Variants in ERLIN1 observed in about 807,000 individuals in gnomAD.
The protein encoded by ERLIN1 is erlin-1.
A neutral mutation model predicts 46.9 loss-of-function variants in ERLIN1; 24 were observed. The ratio of observed to expected loss-of-function variants is 0.51; its 90% CI spans 0.37 to 0.72. ERLIN1 has a LOEUF of 0.72. ERLIN1 is among the 30% of genes least tolerant of loss of function. The pLI, the probability that ERLIN1 is intolerant of heterozygous loss-of-function variation, is 0.00. For synonymous variants in ERLIN1, 158 were observed against 143.2 expected, an observed-to-expected ratio of 1.10 and a Z score of -0.74; for missense variants, 293 against 417.9, an observed-to-expected ratio of 0.70 and a Z score of 2.61.
At chr10:100,169,869 T>G (rs1479684609) in intron 6 of ERLIN1, among the ~76,000 whole-genome samples, 2 of 151,936 alleles carry the variant, frequency 1.3e-5, no homozygotes, top group East Asian at 3.9e-4. Context: ...AATAAAAAAA[T>G]TAGCCAGATG....
At chr10:100,176,403 C>T (rs1450065876) in intron 4 of ERLIN1, among the ~76,000 whole-genome samples, 1 of 152,136 alleles carries the variant, frequency 6.6e-6, no homozygotes, top group Non-Finnish European at 1.5e-5. Flanking sequence ...CAGATTTACG[C>T]TTTGGCCAGC....
intron 1 of ERLIN1, among the ~76,000 whole-genome samples, chr10:100,185,281 T>C (rs1844897459): frequency 6.6e-6 from 1 of 152,186 alleles, no homozygotes; most frequent in Non-Finnish European, 1.5e-5. Context: ...TTGAGTTTGC[T>C]GTGTATAGGA....
intron 4 of ERLIN1, among the ~76,000 whole-genome samples, chr10:100,176,674 AAGAAAC>A (rs1436073165): frequency 6.6e-6 from 1 of 152,226 alleles, no homozygotes; most frequent in African/African-American, 2.4e-5. Flanking sequence ...TTAGGAAACT[AAGAAAC>A]AGAGAATTTT....
chr10:100,157,641 ATG>A (rs1843146778), intron 8 of ERLIN1, among the ~76,000 whole-genome samples: 1 of 152,186 alleles, frequency 6.6e-6, no homozygotes, highest in Non-Finnish European at 1.5e-5. Flanking sequence ...TTCTCCACCA[ATG>A]TAAAATCAAT....
At chr10:100,181,765 C>T (rs1335414475) in intron 2 of ERLIN1, among the ~76,000 whole-genome samples, 2 of 152,232 alleles carry the variant, frequency 1.3e-5, no homozygotes, top group South Asian at 2.1e-4. Flanking sequence ...CTGCCTGCCT[C>T]GGCCTCCCAA....
intron 6 of ERLIN1, among the ~76,000 whole-genome samples, chr10:100,170,265 T>C (rs553914999): frequency 2.2e-4 from 33 of 152,310 alleles, no homozygotes; most frequent in Middle Eastern, 3.4e-3. Flanking sequence ...GCATTCCAAC[T>C]ATTGTAAAAA....
rs1842768465 is a variant in ERLIN1, at chr10:100,150,847, G to C, written c.*1284C>G. Reference sequence around the variant, plus strand: ...GGAAAAAAAGGGTCCACATGAAGTAGGTCTCCTAATGCCACAGGTTAACTC... The same window carrying C: ...GGAAAAAAAGGGTCCACATGAAGTACGTCTCCTAATGCCACAGGTTAACTC... On this transcript the variant is annotated 3_prime_UTR_variant, in exon 11 of 11. Coordinates refer to ENST00000421367, the MANE Select transcript of ERLIN1 (RefSeq NM_006459.4). 6.6e-6 allele frequency: 1 copy of C among 152,190 alleles called. No homozygotes were observed. Among genetic ancestry groups the C allele is most frequent in the Non-Finnish European group, 1.5e-5 (1 of 68,044 alleles). The allele number at this position is 152,190 out of a possible 1,614,324, so 9.4% of individuals were successfully genotyped here.
intron 4 of ERLIN1, among the ~76,000 whole-genome samples, chr10:100,176,680 CAG>C (rs1469904542): frequency 1.3e-5 from 2 of 152,086 alleles, no homozygotes; most frequent in East Asian, 1.9e-4. Flanking sequence ...AACTAAGAAA[CAG>C]AGAATTTTAG....
At chr10:100,156,752 C>A (rs2134107013) in intron 8 of ERLIN1, among the ~76,000 whole-genome samples, 1 of 152,308 alleles carries the variant, frequency 6.6e-6, no homozygotes, top group East Asian at 1.9e-4. Flanking sequence ...GTGATTCACG[C>A]CTGTAACCCC....
chr10:100,179,614 G>A (rs1844519017), intron 2 of ERLIN1, among the ~76,000 whole-genome samples: 1 of 138,312 alleles, frequency 7.2e-6, no homozygotes, highest in South Asian at 2.1e-4. Context: ...GCACCACTAC[G>A]CTCAGCTAAT....
chr10:100,161,781 T>C (rs1843375835), intron 8 of ERLIN1, among the ~76,000 whole-genome samples: 1 of 152,170 alleles, frequency 6.6e-6, no homozygotes, highest in Non-Finnish European at 1.5e-5. Flanking sequence ...TTATGTATAG[T>C]ATCTTATTAT....
At chr10:100,158,433 C>G (rs1843186206) in intron 8 of ERLIN1, among the ~76,000 whole-genome samples, 1 of 151,824 alleles carries the variant, frequency 6.6e-6, no homozygotes, top group South Asian at 2.1e-4. Context: ...GAAAAATTAG[C>G]TTGGTTTAGA....
intron 8 of ERLIN1, among the ~76,000 whole-genome samples, chr10:100,163,660 A>G (rs946981415): frequency 2.6e-5 from 4 of 152,210 alleles, no homozygotes; most frequent in African/African-American, 9.6e-5. Context: ...GATGCATACT[A>G]CAATCTGAAA....
At chr10:100,175,489 C>T (rs776224748) in intron 5 of ERLIN1, among the ~76,000 whole-genome samples, 70 of 152,256 alleles carry the variant, frequency 4.6e-4, no homozygotes, top group Admixed American at 1.2e-3. Flanking sequence ...ACATGTTTGA[C>T]TCTTGGAAGC....
Position 100,152,034 on chromosome 10 carries a change from G to T in ERLIN1, c.*97C>A, listed in dbSNP as rs750743938. On this transcript the variant is annotated 3_prime_UTR_variant, in exon 11 of 11. Coordinates refer to ENST00000421367, the MANE Select transcript of ERLIN1 (RefSeq NM_006459.4). ...GCAGGAGAGGTGGAACAGATGAAGTGTAAGTTCTCTGTAAATCTGAAGAGT... is the reference window on the plus strand; with the variant it reads ...GCAGGAGAGGTGGAACAGATGAAGTTTAAGTTCTCTGTAAATCTGAAGAGT... 1.1e-5 allele frequency: 9 copies of T among 804,794 alleles called. No individual in the cohort carries two copies. Among genetic ancestry groups the T allele is most frequent in the Non-Finnish European group, 1.9e-5 (9 of 464,882 alleles). 49.9% of individuals were successfully genotyped at this position (804,794 alleles called of 1,614,324 possible). A position where few individuals can be genotyped will look rare whatever the true frequency, so the allele number is the denominator to read the frequency against.
chr10:100,152,414 C>A, intron 10 of ERLIN1, 62 bp from the exon 11 acceptor site: 2 of 931,966 alleles, frequency 2.1e-6, no homozygotes, highest in Non-Finnish European at 3.6e-6. Flanking sequence ...TCTTCTCTCT[C>A]CCTATATACA....
intron 10 of ERLIN1, among the ~76,000 whole-genome samples, chr10:100,153,243 T>C (rs1842900950): frequency 6.6e-6 from 1 of 152,220 alleles, no homozygotes; most frequent in Non-Finnish European, 1.5e-5. Flanking sequence ...CCACCAGATC[T>C]ATGTGACAGT....
At chr10:100,154,836 G>T in intron 10 of ERLIN1, 24 bp downstream of exon 10, 1 of 1,597,610 alleles carries the variant, frequency 6.3e-7, no homozygotes, top group Non-Finnish European at 8.6e-7. Context: ...GCATCATTAG[G>T]AAAGTGGCCA....
At chr10:100,176,372 T>A (rs1205523567) in intron 4 of ERLIN1, among the ~76,000 whole-genome samples, 1 of 152,118 alleles carries the variant, frequency 6.6e-6, no homozygotes, top group African/African-American at 2.4e-5. Context: ...TATCAAAGGT[T>A]TCAAGCAAGG....
Sources: allele counts gnomAD v4.1 joint callset (sites outside exome capture counted in the v4.1 genomes callset), GRCh38; gene constraint gnomAD v4.1.1; transcripts MANE v1.5; gene names NCBI Gene and HGNC (gene_info 2026-07-23, HGNC 2026-07-21).